Variants in PLA2G4A observed in about 807,000 individuals in gnomAD.
PLA2G4A encodes the protein phospholipase A2 group IVA.
PLA2G4A carries 40 observed loss-of-function variants against 81.9 expected under a neutral mutation model. That is an observed-to-expected ratio of 0.49 (90% CI 0.38 to 0.64). PLA2G4A has a LOEUF of 0.64. Among genes scored for constraint, PLA2G4A ranks in the 30% least tolerant of loss-of-function variants. The pLI, the probability that PLA2G4A is intolerant of heterozygous loss-of-function variation, is 0.00. For synonymous variants in PLA2G4A, 302 were observed against 296.9 expected (o/e 1.02, Z -0.18); for missense variants, 715 against 905.1 (o/e 0.79, Z 2.69).
Position 186,863,256 on chromosome 1 carries a change from G to T in PLA2G4A, c.34-7179G>T, listed in dbSNP as rs1473146242. 2.0e-5 allele frequency among the ~76,000 whole-genome samples: 3 copies of T among 152,236 alleles called. 1 individual carries two copies. In the South Asian group the frequency reaches 6.2e-4, roughly 32 times the overall value. On this transcript the variant is annotated intron_variant, in intron 2 of 17. Coordinates refer to ENST00000367466, the MANE Select transcript of PLA2G4A (RefSeq NM_024420.3). The stretch of plus-strand genomic sequence containing the variant: ...AGTTAAATTAGAACTTTAGAACCAA[G>T]CTATTAACATTAATATTTTCTTGTA...
chr1:186,835,714 A>G lies in PLA2G4A; in HGVS notation c.-70+6679A>G, dbSNP rs547637339. 7.4e-4 allele frequency among the ~76,000 whole-genome samples: 112 copies of G among 152,338 alleles called. 3 individuals are homozygous for G. The highest frequency in any genetic ancestry group is 2.2e-3 in the African/African-American group (92 of 41,588). On this transcript the variant is annotated intron_variant, in intron 1 of 17. Coordinates refer to ENST00000367466, the MANE Select transcript of PLA2G4A (RefSeq NM_024420.3). ...TTCTGTAGTTCACTTTCAATGATCAATGGTAATACATGTTCAGATAATAAC... is the reference window on the plus strand; with the variant it reads ...TTCTGTAGTTCACTTTCAATGATCAGTGGTAATACATGTTCAGATAATAAC...
intron 3 of PLA2G4A, among the ~76,000 whole-genome samples, chr1:186,882,716 A>G (rs988026824): frequency 6.6e-6 from 1 of 152,128 alleles, no homozygotes; most frequent in African/African-American, 2.4e-5. Context: ...TGGTTGCATT[A>G]TAGAAGGTGC....
intron 1 of PLA2G4A, among the ~76,000 whole-genome samples, chr1:186,835,167 C>G (rs1571319366): frequency 6.6e-6 from 1 of 152,118 alleles, no homozygotes; most frequent in African/African-American, 2.4e-5. Flanking sequence ...CTTATTTGCC[C>G]CATACTTTTA....
At position 186,979,486 on chromosome 1, in the gene PLA2G4A, A is replaced by C. The variant is rs769318027; in HGVS notation, c.2118+14A>C. On this transcript the variant is annotated intron_variant, in intron 17 of 17. Coordinates refer to ENST00000367466, the MANE Select transcript of PLA2G4A (RefSeq NM_024420.3). ...AACAACATTGATGTAAGTATCTCCT[A>C]TGGCCATTGACTATGTCAAATGACT... 2 of 1,517,962 alleles carry C rather than the reference A, an allele frequency of 1.3e-6. No homozygotes were observed. The highest frequency in any genetic ancestry group is 2.2e-5 in the South Asian group (2 of 89,140). 94.0% of individuals were successfully genotyped at this position (1,517,962 alleles called of 1,614,324 possible). A position where few individuals can be genotyped will look rare whatever the true frequency, so the allele number is the denominator to read the frequency against.
In PLA2G4A at chr1:186,934,842, C is replaced by T. The variant is rs148095534; in HGVS notation, c.695+1943C>T. ...TTTTATTTCATCCTCTCTGATTGGC[C>T]TCTCCTCCATATATTGTCCCTACCA... On this transcript the variant is annotated intron_variant, in intron 8 of 17. Coordinates refer to ENST00000367466, the MANE Select transcript of PLA2G4A (RefSeq NM_024420.3). 2.0e-4 allele frequency among the ~76,000 whole-genome samples: 31 copies of T among 151,928 alleles called. 1 individual carries two copies. In the East Asian group the frequency reaches 5.6e-3, roughly 28 times the overall value.
intron 17 of PLA2G4A, among the ~76,000 whole-genome samples, chr1:186,982,761 TC>T (rs79629897): frequency 0.069 from 10,556 of 152,086 alleles, 447 homozygotes; most frequent in East Asian, 0.16. Flanking sequence ...CCTTAGTGAC[TC>T]CCTTCTTCTC....
At chr1:186,859,748 A>G (rs189514145) in intron 2 of PLA2G4A, among the ~76,000 whole-genome samples, 2 of 152,254 alleles carry the variant, frequency 1.3e-5, no homozygotes, top group East Asian at 1.9e-4. Context: ...TAATCAAAGA[A>G]CTAGTGTTCT....
intron 7 of PLA2G4A, 66 bp downstream of exon 7, chr1:186,911,455 AT>A: frequency 4.1e-6 from 5 of 1,205,002 alleles, no homozygotes; most frequent in Non-Finnish European, 6.2e-6. Context: ...AATTTCCCCA[AT>A]AATTTTACCC....
intron 7 of PLA2G4A, among the ~76,000 whole-genome samples, chr1:186,928,078 A>G (rs1655613579): frequency 6.6e-6 from 1 of 152,038 alleles, no homozygotes. Context: ...GGTGGAGCTG[A>G]ATTTTTCTTA....
intron 5 of PLA2G4A, among the ~76,000 whole-genome samples, chr1:186,898,338 C>G (rs1267972481): frequency 6.6e-6 from 1 of 152,052 alleles, no homozygotes; most frequent in African/African-American, 2.4e-5. Flanking sequence ...CATGTGTAAA[C>G]AGACAGATAA....
At chr1:186,982,445 C>T (rs1657752029) in intron 17 of PLA2G4A, among the ~76,000 whole-genome samples, 1 of 152,164 alleles carries the variant, frequency 6.6e-6, no homozygotes. Context: ...AGAAGCTGCT[C>T]AATAAATGAG....
Position 186,950,739 on chromosome 1 carries a change from C to A in PLA2G4A, c.1336+11C>A, listed in dbSNP as rs28395827. On this transcript the variant is annotated intron_variant, in intron 13 of 17. Coordinates refer to ENST00000367466, the MANE Select transcript of PLA2G4A (RefSeq NM_024420.3). ...CACACGAACCCAAAGGTGAGTGAGC[C>A]GGAAACTTTTCTGGCCCAGATCCAT... is the stretch of plus-strand genomic sequence containing the variant. The A allele has an allele frequency of 6.5e-7, 1 of 1,538,660 alleles. No individual in the cohort carries two copies. Among genetic ancestry groups the A allele is most frequent in the Middle Eastern group, 1.7e-4 (1 of 5,916 alleles).
chr1:186,902,125 C>T (rs1654562229), intron 5 of PLA2G4A, among the ~76,000 whole-genome samples: 1 of 152,100 alleles, frequency 6.6e-6, no homozygotes. Context: ...CGTTACTGCA[C>T]TGAATACAAT....
chr1:186,885,164 C>A (rs1027175475), intron 3 of PLA2G4A, among the ~76,000 whole-genome samples: 1 of 152,110 alleles, frequency 6.6e-6, no homozygotes, highest in Non-Finnish European at 1.5e-5. Flanking sequence ...ACAGCCAGCA[C>A]CTTCATCACG....
chr1:186,935,412 T>A (rs1049013163), intron 8 of PLA2G4A, among the ~76,000 whole-genome samples: 5 of 150,606 alleles, frequency 3.3e-5, no homozygotes, highest in East Asian at 1.9e-4. Context: ...GTTTTTATTT[T>A]TTTTTTTTTC....
At position 186,938,722 on chromosome 1, in the gene PLA2G4A, G is replaced by A. The variant is rs147578686; in HGVS notation, c.696-286G>A. On this transcript the variant is annotated intron_variant, in intron 8 of 17. Coordinates refer to ENST00000367466, the MANE Select transcript of PLA2G4A (RefSeq NM_024420.3). Reference sequence around the variant, plus strand: ...CTCTGATAGAGATACTCCATTCCTGGCACACCAGACAATGGACACTAGTCC... The same window carrying A: ...CTCTGATAGAGATACTCCATTCCTGACACACCAGACAATGGACACTAGTCC... Among the ~76,000 whole-genome samples, 547 of 152,182 alleles carry A rather than the reference G, an allele frequency of 3.6e-3. 3 individuals are homozygous for A. The highest frequency in any genetic ancestry group is 0.01 in the Middle Eastern group (3 of 294).
intron 14 of PLA2G4A, among the ~76,000 whole-genome samples, chr1:186,964,288 G>A (rs1008545798): frequency 2.6e-5 from 4 of 152,312 alleles, no homozygotes; most frequent in Admixed American, 1.3e-4. Context: ...TTCAATTCTG[G>A]TCATGTTTTA....
At chr1:186,838,893 C>A (rs898476321) in intron 1 of PLA2G4A, among the ~76,000 whole-genome samples, 2 of 152,164 alleles carry the variant, frequency 1.3e-5, no homozygotes, top group African/African-American at 4.8e-5. Flanking sequence ...GCCCTGCTCT[C>A]AGGATGTATT....
chr1:186,895,663 C>T (rs1654310133), intron 5 of PLA2G4A, among the ~76,000 whole-genome samples: 1 of 152,064 alleles, frequency 6.6e-6, no homozygotes, highest in African/African-American at 2.4e-5. Context: ...AGATAAGTAC[C>T]AATGAGACAT....
Sources: gnomAD v4.1 joint callset for allele counts (sites outside exome capture counted in the v4.1 genomes callset) on GRCh38, gnomAD v4.1.1 for gene constraint, MANE v1.5 for transcripts, NCBI Gene and HGNC (gene_info 2026-07-23, HGNC 2026-07-21) for gene names.